EYS: variants seen among roughly 807,000 people sequenced by gnomAD.
EYS encodes EGF-like photoreceptor maintenance factor, also known as protein eyes shut homolog.
EYS carries 250 observed loss-of-function variants against 282.1 expected under a neutral mutation model. The ratio of observed to expected loss-of-function variants is 0.89; its 90% confidence interval spans 0.80 to 0.98. EYS has a LOEUF of 0.98. Ranked by LOEUF, EYS falls within the 50% of genes least tolerant of loss-of-function variation. The pLI is 0.00. For missense variants in EYS, 4,016 were observed against 3,709.0 expected, an observed-to-expected ratio of 1.08 and a Z score of -2.15; for synonymous variants, 1,355 against 1,282.9, an observed-to-expected ratio of 1.06 and a Z score of -1.20.
At chr6:64,224,306 C>T (rs916753391) in intron 31 of EYS, among the ~76,000 whole-genome samples, 1 of 152,044 alleles carries the variant, frequency 6.6e-6, no homozygotes, top group Non-Finnish European at 1.5e-5. Flanking sequence ...CTCCCCATCT[C>T]ATCTTCTTCC....
intron 12 of EYS, among the ~76,000 whole-genome samples, chr6:65,067,652 C>G (rs1392220057): frequency 6.6e-6 from 1 of 151,914 alleles, no homozygotes; most frequent in South Asian, 2.1e-4. Context: ...TAAAGAGACA[C>G]CTAAAAAATA....
intron 15 of EYS, among the ~76,000 whole-genome samples, chr6:64,922,850 C>T (rs1768392707): frequency 6.6e-6 from 1 of 152,148 alleles, no homozygotes; most frequent in Non-Finnish European, 1.5e-5. Flanking sequence ...GAACGGAGGA[C>T]ACAGAGCAGT....
chr6:64,039,392 A>G (rs536297688), intron 33 of EYS, among the ~76,000 whole-genome samples: 27 of 152,204 alleles, frequency 1.8e-4, no homozygotes, highest in Non-Finnish European at 3.4e-4. Context: ...AAGCAAGGGA[A>G]TACATGTTAA....
In EYS at chr6:65,335,033, T is replaced by G; in HGVS notation, c.1713A>C (p.Gln571His). ...NMYLENTTDD[Q>H]ENECQHEAVC... is the part of the protein sequence containing the mutation. ...CAGCTTCATGTTGACACTCATTTTCTTGATCATCAGTTGTATTTTCCAGAT... is the reference window on the plus strand; with the variant it reads ...CAGCTTCATGTTGACACTCATTTTCGTGATCATCAGTTGTATTTTCCAGAT... The change falls in exon 11 of 43, where the codon CAA (glutamine) becomes CAC (histidine). Residue 571 changes from glutamine to histidine, a missense_variant. Physicochemically the swap from Gln to His is conservative, Grantham distance 24. Transcript: ENST00000503581. 1 of 1,611,704 alleles carries G rather than the reference T, an allele frequency of 6.2e-7. No individual in the cohort carries two copies. The highest frequency in any genetic ancestry group is 8.5e-7 in the Non-Finnish European group (1 of 1,178,556).
intron 12 of EYS, among the ~76,000 whole-genome samples, chr6:65,290,699 T>A (rs1156289497): frequency 6.6e-6 from 1 of 151,372 alleles, no homozygotes; most frequent in Non-Finnish European, 1.5e-5. Context: ...AATAAACGCA[T>A]CTAAAAGACC....
chr6:64,049,392 G>C (rs796217558), intron 33 of EYS, among the ~76,000 whole-genome samples: 3 of 152,178 alleles, frequency 2.0e-5, no homozygotes, highest in African/African-American at 7.2e-5. Context: ...GTATGCTAAG[G>C]CATACTTTAG....
chr6:64,850,636 T>G (rs1765854225), intron 19 of EYS, among the ~76,000 whole-genome samples: 1 of 150,688 alleles, frequency 6.6e-6, no homozygotes, highest in African/African-American at 2.4e-5. Context: ...CAGAACTTGT[T>G]ACAGGTAGCT....
chr6:64,971,452 C>A (rs578207794), intron 14 of EYS, among the ~76,000 whole-genome samples: 30 of 152,154 alleles, frequency 2.0e-4, no homozygotes, highest in Non-Finnish European at 3.2e-4. Context: ...AGCTGCTACA[C>A]ACTAAGTTTG....
chr6:64,051,517 A>G (rs1285003621), intron 33 of EYS, among the ~76,000 whole-genome samples: 1 of 152,124 alleles, frequency 6.6e-6, no homozygotes, highest in Non-Finnish European at 1.5e-5. Context: ...TACTGTTAAA[A>G]TTTAGCTAAT....
chr6:65,103,785 G>A (rs1430839140), intron 12 of EYS, among the ~76,000 whole-genome samples: 2 of 151,276 alleles, frequency 1.3e-5, no homozygotes, highest in Non-Finnish European at 3.0e-5. Context: ...TAATAACCTA[G>A]CTTGTTCCTA....
At chr6:65,422,777 A>T (rs1354280971) in intron 5 of EYS, among the ~76,000 whole-genome samples, 1 of 151,350 alleles carries the variant, frequency 6.6e-6, no homozygotes, top group Non-Finnish European at 1.5e-5. Flanking sequence ...TACATAAATC[A>T]GGACCAAAAA....
chr6:65,679,067 A>G (rs976824386), intron 1 of EYS, among the ~76,000 whole-genome samples: 5 of 151,928 alleles, frequency 3.3e-5, no homozygotes, highest in African/African-American at 1.2e-4. Flanking sequence ...TTACTGTAAA[A>G]TCGTGCTGGG....
chr6:64,660,331 C>G (rs1156665168), intron 22 of EYS, among the ~76,000 whole-genome samples: 1 of 151,816 alleles, frequency 6.6e-6, no homozygotes. Context: ...TGGCACAAGA[C>G]AGGGATGCCC....
At chr6:65,009,197 T>G (rs901297289) in intron 13 of EYS, among the ~76,000 whole-genome samples, 1 of 151,840 alleles carries the variant, frequency 6.6e-6, no homozygotes, top group Non-Finnish European at 1.5e-5. Context: ...GGATCCCACC[T>G]CCTTTCCCTA....
chr6:65,704,935 G>A (rs12526729), intron 1 of EYS, among the ~76,000 whole-genome samples: 23,882 of 152,068 alleles, frequency 0.16, 2,116 homozygotes, highest in South Asian at 0.29. Context: ...TTATTTTCCA[G>A]GGTTATCTTC....
intron 2 of EYS, among the ~76,000 whole-genome samples, chr6:65,605,927 T>C (rs1765772291): frequency 6.6e-6 from 1 of 151,708 alleles, no homozygotes; most frequent in South Asian, 2.1e-4. Flanking sequence ...CAATGTTTAC[T>C]TTCCTTTTAT....
intron 26 of EYS, among the ~76,000 whole-genome samples, chr6:64,441,602 C>T (rs950524583): frequency 1.3e-5 from 2 of 152,106 alleles, no homozygotes; most frequent in African/African-American, 2.4e-5. Context: ...TGTGTCCCCA[C>T]CCAAATCTCA....
intron 24 of EYS, among the ~76,000 whole-genome samples, chr6:64,612,637 A>G (rs1222669950): frequency 1.3e-5 from 2 of 152,076 alleles, no homozygotes; most frequent in Non-Finnish European, 2.9e-5. Context: ...GAAAAACCTG[A>G]GAGTTCAGAC....
At chr6:64,520,937 AT>A (rs1260384496) in intron 26 of EYS, among the ~76,000 whole-genome samples, 2 of 151,810 alleles carry the variant, frequency 1.3e-5, no homozygotes, top group Admixed American at 6.6e-5. Context: ...ACTTTAACAA[AT>A]TAACTTAGCC....
Sources: allele counts gnomAD v4.1 joint callset (sites outside exome capture counted in the v4.1 genomes callset), GRCh38; gene constraint gnomAD v4.1.1; transcripts MANE v1.5; gene names NCBI Gene and HGNC (gene_info 2026-07-23, HGNC 2026-07-21).